The following CADPS variants were observed in gnomAD, a reference collection of about 807,000 sequenced individuals.
CADPS encodes the protein calcium-dependent secretion activator 1.
A neutral mutation model predicts 167.3 loss-of-function variants in CADPS; 57 were observed. The ratio of observed to expected loss-of-function variants is 0.34; its 90% confidence interval spans 0.28 to 0.42. CADPS has a LOEUF of 0.42. Ranked by LOEUF, CADPS falls within the 20% of genes least tolerant of loss-of-function variation. The pLI is 1.00. For missense variants in CADPS, 1,414 were observed against 1,738.1 expected (o/e 0.81, Z 3.32); for synonymous variants, 676 against 635.3 (o/e 1.06, Z -0.96).
rs2061567938 is a variant in CADPS at position 62,478,330 on chromosome 3, T to C, written c.3260A>G (p.Glu1087Gly). 1 of 1,613,726 alleles carries C rather than the reference T, an allele frequency of 6.2e-7. No homozygotes were observed. The highest frequency in any genetic ancestry group is 1.7e-5 in the Admixed American group (1 of 59,984). ...CCGTTGTTCCAGGTGCTTTCCAAAC[T>C]CTTCTTCAGGCCAGTGCAGGTCCCG... is the stretch of plus-strand genomic sequence containing the variant. ...FIRDLHWPEEEFGKHLEQRLK... is the reference protein window; with the variant it reads ...FIRDLHWPEEGFGKHLEQRLK... The change falls in exon 23 of 30, where the codon GAG becomes GGG. Residue 1087 changes from glutamate to glycine, a missense_variant. Around this residue, in one of 6 missense-constraint regions of CADPS, gnomAD observed 529 missense variants for 629.6 expected, o/e 0.84. Transcript: ENST00000383710. This position sits in a 1 kb window ranked among gnomAD's most constrained non-coding sequence, Gnocchi z 5.7.
chr3:62,634,583 CTATG>C (rs1380677238), intron 6 of CADPS, among the ~76,000 whole-genome samples: 3 of 152,164 alleles, frequency 2.0e-5, no homozygotes, highest in African/African-American at 7.2e-5. Context: ...TGATGATTAT[CTATG>C]TGTTTCCAAG....
chr3:62,646,345 T>G (rs975839641), intron 5 of CADPS, among the ~76,000 whole-genome samples: 2 of 151,598 alleles, frequency 1.3e-5, no homozygotes, highest in Non-Finnish European at 2.9e-5. Flanking sequence ...TTTTTTTTTG[T>G]ATTTTTAGTA....
At chr3:62,532,152 T>G (rs144825937) in intron 13 of CADPS, among the ~76,000 whole-genome samples, 2 of 152,312 alleles carry the variant, frequency 1.3e-5, no homozygotes, top group East Asian at 3.9e-4. Context: ...TGCTGTTCCT[T>G]TTGCCTGGAA....
At chr3:62,732,610 A>G (rs2078140357) in intron 3 of CADPS, among the ~76,000 whole-genome samples, 1 of 152,246 alleles carries the variant, frequency 6.6e-6, no homozygotes, top group African/African-American at 2.4e-5. Flanking sequence ...TATAGCATTC[A>G]TGCACTTATT....
chr3:62,516,645 TA>T lies in CADPS; in HGVS notation c.2394-3del. On this transcript the variant is annotated splice_polypyrimidine_tract_variant and splice_region_variant and intron_variant, in intron 14 of 29. Transcript: ENST00000383710. ...GGTCGACCAAATGGAAAGCAATACC[TA>T]AAAAAGACAAAATTCTTCAGGTTGC... 2 of 1,596,694 alleles carry T rather than the reference TA, an allele frequency of 1.3e-6. No individual in the cohort carries two copies. Among genetic ancestry groups the T allele is most frequent in the African/African-American group, 1.3e-5 (1 of 74,594 alleles).
At chr3:62,431,386 G>T (rs950786515) in intron 28 of CADPS, among the ~76,000 whole-genome samples, 4 of 151,918 alleles carry the variant, frequency 2.6e-5, no homozygotes, top group African/African-American at 9.7e-5. Flanking sequence ...GTTTTTTACA[G>T]TTTAGCCCCC....
intron 3 of CADPS, among the ~76,000 whole-genome samples, chr3:62,712,025 C>A (rs1230485498): frequency 6.6e-6 from 1 of 152,112 alleles, no homozygotes; most frequent in Non-Finnish European, 1.5e-5. Context: ...ATTTTGACAT[C>A]TTTCTATTTC....
At chr3:62,470,949 T>C (rs2060533215) in intron 24 of CADPS, among the ~76,000 whole-genome samples, 1 of 152,224 alleles carries the variant, frequency 6.6e-6, no homozygotes, top group African/African-American at 2.4e-5. Flanking sequence ...TAGTCTTTTC[T>C]ACTTTATCAA....
intron 8 of CADPS, among the ~76,000 whole-genome samples, chr3:62,581,504 C>T (rs2148493865): frequency 6.7e-6 from 1 of 149,580 alleles, no homozygotes; most frequent in South Asian, 2.1e-4. Flanking sequence ...TAGTGAGATC[C>T]CACCTCTACA....
At chr3:62,714,552 G>T (rs304202) in intron 3 of CADPS, among the ~76,000 whole-genome samples, 35,532 of 151,968 alleles carry the variant, frequency 0.23, 4,288 homozygotes, top group South Asian at 0.34. Context: ...AAGGTCATTT[G>T]GTGTAAAGCA....
intron 1 of CADPS, among the ~76,000 whole-genome samples, chr3:62,780,065 G>C (rs1224429401): frequency 1.3e-5 from 2 of 152,118 alleles, no homozygotes; most frequent in African/African-American, 4.8e-5. Flanking sequence ...TTATTTCATA[G>C]GGTTTTTTTT....
At chr3:62,775,412 AG>A (rs1228789950) in intron 1 of CADPS, among the ~76,000 whole-genome samples, 2 of 152,154 alleles carry the variant, frequency 1.3e-5, no homozygotes, top group Admixed American at 1.3e-4. Flanking sequence ...GAATTCAGTG[AG>A]TTATGTTAAT....
At position 62,455,176 on chromosome 3, in the gene CADPS, C is replaced by A. The variant is rs1159964231; in HGVS notation, c.3637-9379G>T. ...TGAACAGATGCCTGATTGAAGTAGA[C>A]CTGTTTTTCCTTCCAGTTTTCCTTT... On this transcript the variant is annotated intron_variant, in intron 26 of 29. Coordinates refer to ENST00000383710, the MANE Select transcript of CADPS (RefSeq NM_003716.4). The surrounding 1 kb of genome is among the most constrained non-coding windows in gnomAD (Gnocchi z 4.4). Among the ~76,000 whole-genome samples, 1 of 134,748 alleles carries A rather than the reference C, an allele frequency of 7.4e-6. No individual in the cohort carries two copies. The highest frequency in any genetic ancestry group is 2.8e-5 in the African/African-American group (1 of 36,312). 88.4% of individuals were successfully genotyped at this position (134,748 alleles called of 152,430 possible).
At chr3:62,685,402 C>T (rs1042367436) in intron 3 of CADPS, among the ~76,000 whole-genome samples, 1 of 151,756 alleles carries the variant, frequency 6.6e-6, no homozygotes, top group African/African-American at 2.4e-5. Context: ...GAAGTATAAA[C>T]GTGCCATATA....
At chr3:62,461,590 C>T (rs1304509479) in intron 26 of CADPS, among the ~76,000 whole-genome samples, 2 of 152,208 alleles carry the variant, frequency 1.3e-5, no homozygotes, top group Admixed American at 6.5e-5. Context: ...CACAGAAGTG[C>T]CTCCTGCTTT....
intron 17 of CADPS, among the ~76,000 whole-genome samples, chr3:62,509,644 A>T (rs150982795): frequency 2.6e-5 from 4 of 152,312 alleles, no homozygotes; most frequent in African/African-American, 9.6e-5. Flanking sequence ...TGGAGAGAAG[A>T]AAAGTCCTCA....
At chr3:62,560,443 C>A (rs191613768) in intron 9 of CADPS, among the ~76,000 whole-genome samples, 2 of 152,270 alleles carry the variant, frequency 1.3e-5, no homozygotes, top group East Asian at 3.9e-4. Context: ...CATGGCAGAG[C>A]CTGGAATGCA....
chr3:62,623,772 A>T (rs552744027), intron 6 of CADPS, among the ~76,000 whole-genome samples: 18 of 152,270 alleles, frequency 1.2e-4, no homozygotes, highest in Admixed American at 1.1e-3. Context: ...GTAACTTCCC[A>T]CGGCTGAACA....
chr3:62,861,898 T>A (rs1157007242), intron 1 of CADPS, among the ~76,000 whole-genome samples: 1 of 152,206 alleles, frequency 6.6e-6, no homozygotes, highest in African/African-American at 2.4e-5. Context: ...GTTGAAAGTA[T>A]CCTTCCCTCC....
Sources: allele counts gnomAD v4.1 joint callset (sites outside exome capture counted in the v4.1 genomes callset), GRCh38; gene constraint gnomAD v4.1.1; regional missense constraint gnomAD v4.1.1; non-coding constraint Gnocchi (gnomAD v3.1); transcripts MANE v1.5; gene names NCBI Gene and HGNC (gene_info 2026-07-23, HGNC 2026-07-21).